Variants in DAB1 observed in about 807,000 individuals in gnomAD.
DAB1 encodes the protein disabled homolog 1.
A neutral mutation model predicts 64.6 loss-of-function variants in DAB1; 15 were observed. That is an observed-to-expected ratio of 0.23 (90% CI 0.16 to 0.36). The LOEUF is 0.36. Ranked by LOEUF, DAB1 falls within the 10% of genes least tolerant of loss-of-function variation. The pLI is 1.00. For missense variants in DAB1, 596 were observed against 706.7 expected (o/e 0.84, Z 1.78); for synonymous variants, 235 against 251.9 (o/e 0.93, Z 0.64).
At chr1:57,556,466 G>A (rs1394683967) in intron 7 of DAB1, among the ~76,000 whole-genome samples, 2 of 151,586 alleles carry the variant, frequency 1.3e-5, no homozygotes, top group Admixed American at 1.3e-4. Flanking sequence ...TTTTATTATG[G>A]CCATTCTTGT....
rs192430460 is a variant in DAB1 at position 57,383,087 on chromosome 1, G to A, written c.-137+40843C>T. 1.3e-4 allele frequency among the ~76,000 whole-genome samples: 20 copies of A among 152,236 alleles called. No homozygotes were observed. In the East Asian group the frequency reaches 2.5e-3, roughly 19 times the overall value. On this transcript the variant is annotated intron_variant, in intron 1 of 14. Transcript: ENST00000371236. The stretch of plus-strand genomic sequence containing the variant: ...GAGGGGAATAAAAGTGGCAGGGCTT[G>A]GGGGTTGGACTGTAGTGTTAAATAA...
At chr1:57,184,585 C>A (rs1663332668) in intron 2 of DAB1, among the ~76,000 whole-genome samples, 1 of 152,160 alleles carries the variant, frequency 6.6e-6, no homozygotes, top group African/African-American at 2.4e-5. Flanking sequence ...AACTGCTGGG[C>A]CAGCTGATTC....
At chr1:57,071,093 A>T in intron 6 of DAB1, 32 bp from the exon 7 acceptor site, 1 of 1,593,222 alleles carries the variant, frequency 6.3e-7, no homozygotes, top group Non-Finnish European at 8.6e-7. Context: ...GAGGGTGAAA[A>T]GCAGAGGACA....
chr1:58,427,284 T>C (rs1644830596), intron 3 of DAB1, among the ~76,000 whole-genome samples: 1 of 152,118 alleles, frequency 6.6e-6, no homozygotes. Context: ...CTGTCAGAGT[T>C]GGATAGAACC....
intron 2 of DAB1, among the ~76,000 whole-genome samples, chr1:57,216,122 G>T (rs1177425762): frequency 6.6e-6 from 1 of 151,912 alleles, no homozygotes; most frequent in African/African-American, 2.4e-5. Context: ...CACTTAAGTT[G>T]CTACTCAGTG....
intron 1 of DAB1, among the ~76,000 whole-genome samples, chr1:57,827,033 A>T (rs1435956918): frequency 6.6e-6 from 1 of 152,232 alleles, no homozygotes; most frequent in East Asian, 1.9e-4. Flanking sequence ...GTTGGGAAGG[A>T]TGTGAATGTT....
intron 2 of DAB1, among the ~76,000 whole-genome samples, chr1:57,267,868 C>T (rs558093466): frequency 1.2e-4 from 18 of 152,270 alleles, no homozygotes; most frequent in Admixed American, 9.2e-4. Flanking sequence ...GGGTATCCCA[C>T]GCTCCCCCAT....
chr1:58,000,564 C>CTTTTTTTTTTT (rs869176789), intron 5 of DAB1, among the ~76,000 whole-genome samples: 14 of 95,740 alleles, frequency 1.5e-4, no homozygotes, highest in Admixed American at 2.8e-4. Context: ...TCTTTTTTGC[C>CTTTTTTTTTTT]TTTTTTTTTT....
rs147338362 is a variant in DAB1 at position 57,505,914 on chromosome 1, C to T, written n.625+143678G>A. Among the ~76,000 whole-genome samples the T allele has an allele frequency of 2.2e-4, 33 of 152,268 alleles. 1 individual carries two copies. In the East Asian group the frequency reaches 5.8e-3, roughly 27 times the overall value. On this transcript the variant is annotated intron_variant and non_coding_transcript_variant, in intron 7 of 20. Transcript: ENST00000485760. ...GGAACTTCTGGGCTCAAGCAATCTG[C>T]CCCGCCTCAGCCTCCCAAAGTGTTA...
intron 7 of DAB1, among the ~76,000 whole-genome samples, chr1:57,577,406 G>C (rs72908514): frequency 2.7e-5 from 2 of 74,288 alleles, no homozygotes; most frequent in African/African-American, 4.2e-5. Context: ...TGTGTGGCTG[G>C]AGGCTTCCTA....
intron 2 of DAB1, among the ~76,000 whole-genome samples, chr1:57,192,154 T>C (rs1050729617): frequency 6.6e-6 from 1 of 151,908 alleles, no homozygotes; most frequent in African/African-American, 2.4e-5. Flanking sequence ...CTGTCTCTAC[T>C]AAAAATACAA....
chr1:57,595,839 A>G (rs1645502675), intron 7 of DAB1, among the ~76,000 whole-genome samples: 1 of 152,064 alleles, frequency 6.6e-6, no homozygotes, highest in African/African-American at 2.4e-5. Flanking sequence ...CCGGCCATGT[A>G]GGATGTGCCT....
At position 57,278,950 on chromosome 1, in the gene DAB1, T is replaced by C. The variant is rs116773065; in HGVS notation, c.67+12014A>G. 6.7e-3 allele frequency among the ~76,000 whole-genome samples: 1,018 copies of C among 152,312 alleles called. 10 individuals carry two copies. The highest frequency in any genetic ancestry group is 0.023 in the African/African-American group (959 of 41,568). On this transcript the variant is annotated intron_variant, in intron 2 of 14. Coordinates refer to ENST00000371236, the MANE Select transcript of DAB1 (RefSeq NM_001365792.1). Reference sequence around the variant, plus strand: ...AAACAGATATAAAGGTTTGAATACATTGCCTGATACTTAGCAATTGCTGAC... The same window carrying C: ...AAACAGATATAAAGGTTTGAATACACTGCCTGATACTTAGCAATTGCTGAC...
intron 5 of DAB1, among the ~76,000 whole-genome samples, chr1:58,134,670 G>C (rs1169379186): frequency 6.6e-6 from 1 of 152,102 alleles, no homozygotes; most frequent in Non-Finnish European, 1.5e-5. Context: ...TGAAGGGGAC[G>C]GTGATACACA....
intron 7 of DAB1, among the ~76,000 whole-genome samples, chr1:57,473,716 G>T (rs908911122): frequency 2.6e-5 from 4 of 152,082 alleles, no homozygotes; most frequent in Non-Finnish European, 5.9e-5. Flanking sequence ...ACACAGTGAG[G>T]CTTCAAAAAT....
At chr1:57,690,186 C>T (rs1558613851) in intron 6 of DAB1, among the ~76,000 whole-genome samples, 1 of 152,108 alleles carries the variant, frequency 6.6e-6, no homozygotes, top group Non-Finnish European at 1.5e-5. Context: ...GCTTCCAAAT[C>T]TTGGCTATTG....
chr1:58,334,246 A>G (rs1332162885), intron 4 of DAB1, among the ~76,000 whole-genome samples: 1 of 152,158 alleles, frequency 6.6e-6, no homozygotes, highest in Non-Finnish European at 1.5e-5. Context: ...TGACAACAGC[A>G]TGTCCTAAAC....
At chr1:57,709,554 C>T (rs1246757174) in intron 6 of DAB1, among the ~76,000 whole-genome samples, 1 of 151,940 alleles carries the variant, frequency 6.6e-6, no homozygotes, top group Non-Finnish European at 1.5e-5. Flanking sequence ...GCAGACACAC[C>T]AGAGTGAGGT....
chr1:57,763,487 G>T (rs1649173784), intron 6 of DAB1, among the ~76,000 whole-genome samples: 1 of 152,096 alleles, frequency 6.6e-6, no homozygotes, highest in African/African-American at 2.4e-5. Context: ...AGACAAGCCT[G>T]ACAATAGTGA....
Sources: gnomAD v4.1 joint callset for allele counts (sites outside exome capture counted in the v4.1 genomes callset) on GRCh38, gnomAD v4.1.1 for gene constraint, MANE v1.5 for transcripts, NCBI Gene and HGNC (gene_info 2026-07-23, HGNC 2026-07-21) for gene names.